Variants in SSC5D observed in about 807,000 individuals in gnomAD.
SSC5D encodes scavenger receptor cysteine rich family member with 5 domains.
A neutral mutation model predicts 104.6 loss-of-function variants in SSC5D; 106 were observed. The ratio of observed to expected loss-of-function variants is 1.01; its 90% confidence interval spans 0.87 to 1.19. The LOEUF (loss-of-function observed/expected upper bound fraction) is 1.19, where lower values mean the gene tolerates loss of function less well. Ranked by LOEUF, SSC5D falls within the 50% of genes most tolerant of loss-of-function variation. The probability of loss-of-function intolerance (pLI) is 0.00; values close to 1 mark genes in which losing one functional copy is unlikely to be tolerated. For synonymous variants in SSC5D, 860 were observed against 883.5 expected (o/e 0.97, Z 0.47); for missense variants, 1,993 against 2,153.8 (o/e 0.93, Z 1.48).
intron 8 of SSC5D, among the ~76,000 whole-genome samples, chr19:55,496,944 G>C (rs1453746058): frequency 2.0e-5 from 3 of 152,132 alleles, no homozygotes; most frequent in African/African-American, 7.2e-5. Flanking sequence ...ATTTTTAGTA[G>C]AGACAGAGTT....
chr19:55,489,383 G>A lies in SSC5D; in HGVS notation c.82G>A (p.Gly28Arg), dbSNP rs1987060458. 2.7e-6 allele frequency: 4 copies of A among 1,478,902 alleles called. No homozygotes were observed. Among genetic ancestry groups the A allele is most frequent in the South Asian group, 1.4e-5 (1 of 73,704 alleles). 91.6% of individuals were successfully genotyped at this position (1,478,902 alleles called of 1,614,324 possible). ...CCTGCGCCTGGCCGATGGCCCCCAT[G>A]GGTGCGCTGGCCGCCTGGAGGTCTG... ...ERLRLADGPHGCAGRLEVWHG... is the reference protein window; with the variant it reads ...ERLRLADGPHRCAGRLEVWHG... Residue 28 changes from glycine (G) to arginine (R), a missense_variant, in exon 3 of 14, where the codon GGG (glycine) becomes AGG (arginine). Transcript: ENST00000389623.
chr19:55,518,557 C>A lies in SSC5D; in HGVS notation c.4281C>A (p.Thr1427=), dbSNP rs1366621863. 2 of 1,548,460 alleles carry A rather than the reference C, an allele frequency of 1.3e-6. No homozygotes were observed. The highest frequency in any genetic ancestry group is 2.4e-5 in the South Asian group (2 of 83,618). ...ACCTAACCCCTCCACCCACCCATACCCCACACTCAGCCTCTGACCTTACTG... is the reference window on the plus strand; with the variant it reads ...ACCTAACCCCTCCACCCACCCATACACCACACTCAGCCTCTGACCTTACTG... ...SPNLTPPPTH[T]PHSASDLTVS... Residue 1427 remains threonine, a synonymous_variant, in exon 14 of 14, where the codon ACC becomes ACA. Coordinates refer to ENST00000389623, the MANE Select transcript of SSC5D (RefSeq NM_001144950.2).
rs1250151751 is a variant in SSC5D at position 55,519,045 on chromosome 19, AC to A, written c.*48del. ...CTTAAGACACCCCCAACCAAAAAAA[AC>A]AAAAACAAAAAAAACCCCCAAAGTA... On this transcript the variant is annotated 3_prime_UTR_variant, in exon 14 of 14. Coordinates refer to ENST00000389623, the MANE Select transcript of SSC5D (RefSeq NM_001144950.2). The A allele has an allele frequency of 3.3e-6, 5 of 1,503,960 alleles. No homozygotes were observed. The highest frequency in any genetic ancestry group is 2.8e-5 in the African/African-American group (2 of 70,258). The allele number at this position is 1,503,960 out of a possible 1,614,324, so 93.2% of individuals were successfully genotyped here.
Position 55,499,938 on chromosome 19 carries a change from G to A in SSC5D, c.1828G>A (p.Ala610Thr). Residue 610 changes from alanine (A) to threonine (T), a missense_variant, in exon 10 of 14, where the codon GCC (alanine) becomes ACC (threonine). By Grantham distance (58) the Ala-to-Thr change is moderately conservative. Transcript: ENST00000389623. ...LATKPSASVT[A>T]SVLEKTTTKA... ...CACCAAGCCCTCTGCAAGTGTGACT[G>A]CCAGTGTTCTGGAGAAAACAACCAC... 1.3e-6 allele frequency: 2 copies of A among 1,551,884 alleles called. No individual in the cohort carries two copies. The highest frequency in any genetic ancestry group is 8.7e-7 in the Non-Finnish European group (1 of 1,147,050).
At chr19:55,504,233 C>A (rs1054663325) in intron 12 of SSC5D, 7 of 1,527,314 alleles carry the variant, frequency 4.6e-6, no homozygotes, top group African/African-American at 4.1e-5. Context: ...CCGGGCACAG[C>A]GGCTGCGGAG....
intron 13 of SSC5D, among the ~76,000 whole-genome samples, chr19:55,513,857 T>C (rs1409442857): frequency 1.3e-5 from 2 of 151,924 alleles, no homozygotes; most frequent in African/African-American, 4.8e-5. Context: ...CTGTGACAAA[T>C]AGGAAAATGA....
chr19:55,510,571 ACTC>A (rs1199740766), intron 12 of SSC5D, among the ~76,000 whole-genome samples: 3 of 146,390 alleles, frequency 2.0e-5, no homozygotes, highest in African/African-American at 7.6e-5. Context: ...CTAGTCTCAA[ACTC>A]CTGACCTCGT....
At chr19:55,498,942 G>T (rs973461457) in intron 9 of SSC5D, among the ~76,000 whole-genome samples, 1 of 152,226 alleles carries the variant, frequency 6.6e-6, no homozygotes, top group African/African-American at 2.4e-5. Context: ...GACAGTAGGT[G>T]TGAGCTTCCA....
At chr19:55,499,096 A>G (rs1292373973) in intron 9 of SSC5D, among the ~76,000 whole-genome samples, 1 of 152,240 alleles carries the variant, frequency 6.6e-6, no homozygotes, top group Non-Finnish European at 1.5e-5. Flanking sequence ...GGCCACGTAC[A>G]TGTGGCTGAC....
rs1448479920 is a variant in SSC5D at position 55,518,973 on chromosome 19, A to G, written c.4697A>G (p.Glu1566Gly). Residue 1566 changes from glutamate (E) to glycine (G), a missense_variant, in exon 14 of 14, where the codon GAA (glutamate) becomes GGA (glycine). Physicochemically the swap from Glu to Gly is moderately conservative, Grantham distance 98. This residue lies in a region of SSC5D where 349 missense variants were observed against 397.6 expected (regional missense o/e 0.88). Coordinates refer to ENST00000389623, the MANE Select transcript of SSC5D (RefSeq NM_001144950.2). ...ACCACCACTACCCCAGAGGAAGAAG[A>G]AAGACCCCTGAGGGGAGACGTGTGA... Reference protein sequence around the residue: ...APTTTTPEEEERPLRGDV With the variant: ...APTTTTPEEEGRPLRGDV 6.4e-6 allele frequency: 10 copies of G among 1,550,426 alleles called. No homozygotes were observed. The highest frequency in any genetic ancestry group is 2.0e-5 in the Admixed American group (1 of 50,992).
rs546865552 is a variant in SSC5D, at chr19:55,500,562, G to A, written c.2375G>A (p.Arg792His). 27 of 1,551,592 alleles carry A rather than the reference G, an allele frequency of 1.7e-5. No homozygotes were observed. Among genetic ancestry groups the A allele is most frequent in the Admixed American group, 9.8e-5 (5 of 50,990 alleles). ...AGRLEVWHAG[R>H]WGTVCDDNWD... ...CGGCTGGAAGTGTGGCATGCCGGAC[G>A]CTGGGGAACAGTGTGTGATGACAAC... Residue 792 changes from arginine (R) to histidine (H), a missense_variant, in exon 11 of 14, where the codon CGC becomes CAC. Coordinates refer to ENST00000389623, the MANE Select transcript of SSC5D (RefSeq NM_001144950.2). This position sits in a 1 kb window ranked among gnomAD's most constrained non-coding sequence, Gnocchi z 4.6.
intron 13 of SSC5D, among the ~76,000 whole-genome samples, 153 bp downstream of exon 13, chr19:55,513,325 A>G (rs1255091930): frequency 1.3e-5 from 2 of 152,238 alleles, no homozygotes; most frequent in Non-Finnish European, 2.9e-5. Flanking sequence ...ATGGTGGCTC[A>G]TGCCTGTAAT....
At chr19:55,510,882 G>A (rs549105104) in intron 12 of SSC5D, among the ~76,000 whole-genome samples, 4 of 151,948 alleles carry the variant, frequency 2.6e-5, no homozygotes, top group Non-Finnish European at 5.9e-5. Flanking sequence ...GGGTTCAGGC[G>A]ATTCTCCCGC....
chr19:55,488,507 C>G lies in SSC5D; in HGVS notation c.-83C>G. The G allele has an allele frequency of 7.6e-7, 1 of 1,310,538 alleles. No homozygotes were observed. The highest frequency in any genetic ancestry group is 1.1e-6 in the Non-Finnish European group (1 of 930,972). The allele number at this position is 1,310,538 out of a possible 1,614,324, so 81.2% of individuals were successfully genotyped here. ...GCGCCTCCAGCAGGCACTTCCCTCC[C>G]TCCCTCTCTCCCCAGCTGCCTCCTC... On this transcript the variant is annotated 5_prime_UTR_variant, in exon 1 of 14. Transcript: ENST00000389623.
chr19:55,499,933 T>C lies in SSC5D; in HGVS notation c.1823T>C (p.Val608Ala). The C allele has an allele frequency of 6.4e-7, 1 of 1,551,312 alleles. No individual in the cohort carries two copies. The highest frequency in any genetic ancestry group is 1.2e-5 in the South Asian group (1 of 84,042). ...GELATKPSAS[V>A]TASVLEKTTT... ...CTGGCCACCAAGCCCTCTGCAAGTG[T>C]GACTGCCAGTGTTCTGGAGAAAACA... The change falls in exon 10 of 14, where the codon GTG (valine) becomes GCG (alanine). Residue 608 changes from valine to alanine, a missense_variant. Transcript: ENST00000389623.
Position 55,488,503 on chromosome 19 carries a change from C to G in SSC5D, c.-87C>G. On this transcript the variant is annotated 5_prime_UTR_variant, in exon 1 of 14. Transcript: ENST00000389623. ...CTGGGCGCCTCCAGCAGGCACTTCC[C>G]TCCCTCCCTCTCTCCCCAGCTGCCT... The G allele has an allele frequency of 8.4e-6, 10 of 1,184,254 alleles. No homozygotes were observed. The highest frequency in any genetic ancestry group is 2.6e-5 in the East Asian group (1 of 38,574). 73.4% of individuals were successfully genotyped at this position (1,184,254 alleles called of 1,614,324 possible). A position where few individuals can be genotyped will look rare whatever the true frequency, so the allele number is the denominator to read the frequency against.
chr19:55,506,019 G>T (rs981544957), intron 12 of SSC5D, among the ~76,000 whole-genome samples: 2 of 151,894 alleles, frequency 1.3e-5, no homozygotes, highest in Non-Finnish European at 2.9e-5. Context: ...TTACAGGCGT[G>T]AGCCACGGCA....
At chr19:55,502,562 G>A (rs1469384299) in intron 12 of SSC5D, among the ~76,000 whole-genome samples, 3 of 151,596 alleles carry the variant, frequency 2.0e-5, no homozygotes, top group Admixed American at 1.3e-4. Context: ...AGTTTTTCCT[G>A]GTCAATTTAT....
chr19:55,513,452 C>T (rs931550048), intron 13 of SSC5D, among the ~76,000 whole-genome samples: 3 of 152,046 alleles, frequency 2.0e-5, no homozygotes, highest in Admixed American at 1.3e-4. Flanking sequence ...TGGTGGTACG[C>T]ACGTGTGGTC....
Sources: gnomAD v4.1 joint callset for allele counts (sites outside exome capture counted in the v4.1 genomes callset) on GRCh38, gnomAD v4.1.1 for gene constraint, gnomAD v4.1.1 regional missense constraint, Gnocchi (gnomAD v3.1) non-coding constraint, MANE v1.5 for transcripts, NCBI Gene and HGNC (gene_info 2026-07-23, HGNC 2026-07-21) for gene names.